Variants in CSMD1 observed in about 807,000 individuals in gnomAD.
CSMD1 encodes the protein CUB and Sushi multiple domains 1.
In CSMD1, 213 loss-of-function variants were observed where a neutral mutation model predicts 417.5. The observed-to-expected ratio is 0.51, with a 90% confidence interval of 0.46 to 0.57. The LOEUF (loss-of-function observed/expected upper bound fraction) is 0.57, where lower values mean the gene tolerates loss of function less well. CSMD1 is among the 20% of genes least tolerant of loss of function. The pLI, the probability that CSMD1 is intolerant of heterozygous loss-of-function variation, is 0.00. For synonymous variants in CSMD1, 2,862 were observed against 1,736.8 expected (o/e 1.65, Z -16.11); for missense variants, 6,923 against 4,529.7 (o/e 1.53, Z -15.17).
chr8:3,270,046 C>CTTTT (rs200994813), intron 26 of CSMD1, among the ~76,000 whole-genome samples: 19,524 of 116,784 alleles, frequency 0.17, 2,337 homozygotes, highest in Non-Finnish European at 0.24. Flanking sequence ...CTAACCTCTT[C>CTTTT]TTTTTTTTTT....
chr8:4,303,554 A>G (rs1006852142), intron 3 of CSMD1, among the ~76,000 whole-genome samples: 2 of 151,826 alleles, frequency 1.3e-5, no homozygotes, highest in African/African-American at 2.4e-5. Flanking sequence ...AAATTTTAAA[A>G]AATTTCTTCT....
intron 8 of CSMD1, among the ~76,000 whole-genome samples, chr8:3,605,068 T>G (rs992018641): frequency 6.6e-6 from 1 of 152,188 alleles, no homozygotes; most frequent in African/African-American, 2.4e-5. Flanking sequence ...CATCTCGGCT[T>G]ACTGCAACCT....
intron 1 of CSMD1, among the ~76,000 whole-genome samples, chr8:4,738,466 C>A (rs904309396): frequency 2.0e-5 from 3 of 152,036 alleles, no homozygotes; most frequent in African/African-American, 7.3e-5. Flanking sequence ...CTCATGAGAA[C>A]AAACTTGCTA....
intron 7 of CSMD1, among the ~76,000 whole-genome samples, chr8:3,629,153 C>A (rs910509581): frequency 6.6e-6 from 1 of 151,998 alleles, no homozygotes; most frequent in Non-Finnish European, 1.5e-5. Flanking sequence ...AGAAAGAACC[C>A]GGGATGTTCG....
chr8:3,827,668 C>G (rs532812907), intron 5 of CSMD1, among the ~76,000 whole-genome samples: 11 of 152,180 alleles, frequency 7.2e-5, no homozygotes, highest in Non-Finnish European at 1.6e-4. Context: ...TTTTGAAAGT[C>G]AGATAAACCC....
At chr8:3,037,694 C>G (rs181591302) in intron 50 of CSMD1, among the ~76,000 whole-genome samples, 7 of 152,226 alleles carry the variant, frequency 4.6e-5, no homozygotes, top group Admixed American at 2.0e-4. Flanking sequence ...TTGCTTTACC[C>G]TTACAGCTTA....
At chr8:4,923,379 G>C (rs527721187) in intron 1 of CSMD1, among the ~76,000 whole-genome samples, 1 of 152,246 alleles carries the variant, frequency 6.6e-6, no homozygotes, top group South Asian at 2.1e-4. Flanking sequence ...AAAATAAAGA[G>C]TGTAACTGGA....
chr8:4,028,472 C>T lies in CSMD1; in HGVS notation c.610+3433G>A, dbSNP rs1461332892. 2.0e-5 allele frequency among the ~76,000 whole-genome samples: 3 copies of T among 151,600 alleles called. 1 individual carries two copies. The highest frequency in any genetic ancestry group is 7.3e-5 in the African/African-American group (3 of 41,228). On this transcript the variant is annotated intron_variant, in intron 4 of 69. Transcript: ENST00000635120. ...CATTATGAATACAATAAACACCAAG[C>T]AGATCTCATAAGACTCTAACATTTT...
chr8:2,963,033 G>C (rs1414082625), intron 60 of CSMD1, among the ~76,000 whole-genome samples, 189 bp downstream of exon 60: 1 of 152,218 alleles, frequency 6.6e-6, no homozygotes, highest in Non-Finnish European at 1.5e-5. Context: ...GGGCAACAGA[G>C]TGAGGACCTG....
chr8:4,655,585 A>C (rs1044443321), intron 1 of CSMD1, among the ~76,000 whole-genome samples: 2 of 152,084 alleles, frequency 1.3e-5, no homozygotes, highest in Non-Finnish European at 2.9e-5. Flanking sequence ...CTTATTTTTC[A>C]AAAAACTTCT....
intron 17 of CSMD1, among the ~76,000 whole-genome samples, chr8:3,389,050 T>C (rs1206586324): frequency 6.6e-6 from 1 of 152,192 alleles, no homozygotes; most frequent in Non-Finnish European, 1.5e-5. Flanking sequence ...TGAATGATTT[T>C]TGTTGTTGTT....
chr8:4,201,182 G>C (rs1002978251), intron 3 of CSMD1, among the ~76,000 whole-genome samples: 57 of 152,182 alleles, frequency 3.7e-4, no homozygotes, highest in African/African-American at 1.0e-3. Context: ...GTACTGTTGT[G>C]TATGCAGAGG....
At chr8:4,267,278 A>G (rs1804279136) in intron 3 of CSMD1, among the ~76,000 whole-genome samples, 1 of 103,886 alleles carries the variant, frequency 9.6e-6, no homozygotes, top group African/African-American at 2.6e-5. Flanking sequence ...TCATGTTTTA[A>G]TATGTATTAG....
chr8:4,841,755 A>G (rs1463958197), intron 1 of CSMD1, among the ~76,000 whole-genome samples: 3 of 151,842 alleles, frequency 2.0e-5, no homozygotes, highest in Admixed American at 2.0e-4. Context: ...TACTAAAAAT[A>G]CAAAAATTAG....
At chr8:4,845,409 G>A (rs1343940492) in intron 1 of CSMD1, among the ~76,000 whole-genome samples, 4 of 152,168 alleles carry the variant, frequency 2.6e-5, no homozygotes, top group African/African-American at 7.2e-5. Context: ...GATATCCATT[G>A]CTCTCATTGA....
intron 2 of CSMD1, among the ~76,000 whole-genome samples, chr8:4,434,594 T>G (rs1028941450): frequency 2.0e-5 from 3 of 152,148 alleles, no homozygotes; most frequent in Admixed American, 2.0e-4. Context: ...TTACAGTCAA[T>G]GAAGCTAATC....
At chr8:4,195,316 G>C (rs372232076) in intron 3 of CSMD1, among the ~76,000 whole-genome samples, 3 of 152,208 alleles carry the variant, frequency 2.0e-5, no homozygotes, top group East Asian at 3.9e-4. Context: ...AGGCAGAAAA[G>C]GCAAATTCTA....
chr8:3,706,726 A>C (rs1801189548), intron 7 of CSMD1, among the ~76,000 whole-genome samples: 1 of 152,208 alleles, frequency 6.6e-6, no homozygotes, highest in Non-Finnish European at 1.5e-5. Flanking sequence ...TTCTACATTG[A>C]ACTTTAGATC....
chr8:3,799,729 T>A (rs944929670), intron 5 of CSMD1, among the ~76,000 whole-genome samples: 1 of 152,058 alleles, frequency 6.6e-6, no homozygotes, highest in Non-Finnish European at 1.5e-5. Flanking sequence ...ATTCTGTGCA[T>A]TGTTTTATAA....
Sources: allele counts gnomAD v4.1 joint callset (sites outside exome capture counted in the v4.1 genomes callset), GRCh38; gene constraint gnomAD v4.1.1; transcripts MANE v1.5; gene names NCBI Gene and HGNC (gene_info 2026-07-23, HGNC 2026-07-21).